Variants in ULK4 observed in about 807,000 individuals in gnomAD.
ULK4 encodes unc-51 like kinase 4.
ULK4 carries 133 observed loss-of-function variants against 160.6 expected under a neutral mutation model. The observed-to-expected ratio is 0.83, with a 90% CI of 0.72 to 0.96. The LOEUF is 0.96. Ranked by LOEUF, ULK4 falls within the 40% of genes least tolerant of loss-of-function variation. ULK4 has a pLI of 0.00. For missense variants in ULK4, 1,580 were observed against 1,499.5 expected (o/e 1.05, Z -0.89); for synonymous variants, 534 against 539.8 (o/e 0.99, Z 0.15).
intron 35 of ULK4, among the ~76,000 whole-genome samples, chr3:41,274,562 T>C (rs2079197801): frequency 6.6e-6 from 1 of 152,236 alleles, no homozygotes; most frequent in African/African-American, 2.4e-5. Context: ...CTCATGGATT[T>C]AAAGATGAGT....
intron 29 of ULK4, among the ~76,000 whole-genome samples, chr3:41,676,626 G>A (rs933721215): frequency 2.4e-4 from 36 of 152,146 alleles, no homozygotes; most frequent in African/African-American, 8.0e-4. Context: ...TCTTGGAACT[G>A]TCAGAGAGTA....
At chr3:41,303,877 A>G (rs1434770192) in intron 35 of ULK4, among the ~76,000 whole-genome samples, 1 of 152,134 alleles carries the variant, frequency 6.6e-6, no homozygotes, top group Non-Finnish European at 1.5e-5. Flanking sequence ...GGGGGCAACC[A>G]AAAGGTGTTC....
At chr3:41,559,953 C>G (rs972578186) in intron 32 of ULK4, among the ~76,000 whole-genome samples, 30 of 152,256 alleles carry the variant, frequency 2.0e-4, no homozygotes, top group African/African-American at 7.0e-4. Context: ...ATGCCTATGT[C>G]CTAAATGGTA....
intron 34 of ULK4, among the ~76,000 whole-genome samples, chr3:41,403,551 T>C (rs373238060): frequency 6.6e-6 from 1 of 152,188 alleles, no homozygotes. Flanking sequence ...TTTTGTTTCA[T>C]TGATTTCTCT....
intron 21 of ULK4, among the ~76,000 whole-genome samples, chr3:41,767,734 G>C (rs1418890308): frequency 6.6e-6 from 1 of 152,114 alleles, no homozygotes; most frequent in East Asian, 1.9e-4. Flanking sequence ...CTTACATACA[G>C]CTGGTAGGAA....
At chr3:41,307,957 T>C (rs978605385) in intron 35 of ULK4, among the ~76,000 whole-genome samples, 1 of 152,150 alleles carries the variant, frequency 6.6e-6, no homozygotes. Flanking sequence ...CATGCCCATT[T>C]TGCTACCCAA....
In ULK4 at chr3:41,787,112, C is replaced by G. The variant is rs140069686; in HGVS notation, c.2193+2549G>C. Among the ~76,000 whole-genome samples the G allele has an allele frequency of 8.1e-4, 123 of 152,264 alleles. 1 individual carries two copies. Among genetic ancestry groups the G allele is most frequent in the African/African-American group, 2.8e-3 (117 of 41,534 alleles). On this transcript the variant is annotated intron_variant, in intron 21 of 36. Coordinates refer to ENST00000301831, the MANE Select transcript of ULK4 (RefSeq NM_017886.4). ...AGCCAAGCACCATGGAAAAACCACA[C>G]CCCAACCCCACCAGCAAAGAGCAAG...
At chr3:41,467,194 T>C (rs2083856996) in intron 32 of ULK4, among the ~76,000 whole-genome samples, 1 of 152,154 alleles carries the variant, frequency 6.6e-6, no homozygotes, top group Non-Finnish European at 1.5e-5. Context: ...AATGAACACA[T>C]ATGTCCACAT....
At chr3:41,526,820 T>G (rs114156725) in intron 32 of ULK4, among the ~76,000 whole-genome samples, 31 of 152,336 alleles carry the variant, frequency 2.0e-4, no homozygotes, top group African/African-American at 7.5e-4. Context: ...TTTTAAAAAT[T>G]TCCTTGAAGA....
intron 25 of ULK4, among the ~76,000 whole-genome samples, chr3:41,706,543 A>C (rs576374347): frequency 1.3e-5 from 2 of 151,358 alleles, no homozygotes; most frequent in Middle Eastern, 7.0e-3. Flanking sequence ...TTGGTCTAAC[A>C]TAGGCCAAGC....
At chr3:41,642,699 A>G (rs534153195) in intron 30 of ULK4, among the ~76,000 whole-genome samples, 1 of 152,350 alleles carries the variant, frequency 6.6e-6, no homozygotes, top group East Asian at 1.9e-4. Flanking sequence ...CTTTGGGTAT[A>G]TACCCAGTAA....
At chr3:41,774,808 A>G (rs1226880278) in intron 21 of ULK4, among the ~76,000 whole-genome samples, 47 of 150,686 alleles carry the variant, frequency 3.1e-4, no homozygotes, top group Middle Eastern at 3.4e-3. Flanking sequence ...CAATAGCAAA[A>G]ACTTGGAACC....
At chr3:41,364,652 G>A (rs10049320) in intron 35 of ULK4, among the ~76,000 whole-genome samples, 48,387 of 151,870 alleles carry the variant, frequency 0.32, 7,729 homozygotes, top group South Asian at 0.43. Flanking sequence ...CATTTAATAA[G>A]GAAAAATTAA....
intron 35 of ULK4, among the ~76,000 whole-genome samples, chr3:41,308,879 A>G (rs1292171956): frequency 6.6e-6 from 1 of 152,216 alleles, no homozygotes; most frequent in African/African-American, 2.4e-5. Context: ...TGAAGAAGCC[A>G]TTCAGAACAC....
At chr3:41,643,284 G>C (rs1398046854) in intron 30 of ULK4, among the ~76,000 whole-genome samples, 2 of 152,102 alleles carry the variant, frequency 1.3e-5, no homozygotes, top group Non-Finnish European at 2.9e-5. Context: ...TGTCCTGAAT[G>C]GTAATGCCTA....
At chr3:41,821,012 T>C (rs2041128837) in intron 18 of ULK4, among the ~76,000 whole-genome samples, 1 of 152,138 alleles carries the variant, frequency 6.6e-6, no homozygotes, top group African/African-American at 2.4e-5. Context: ...TTCCCTTATT[T>C]AAAATGCCCA....
intron 32 of ULK4, among the ~76,000 whole-genome samples, chr3:41,496,827 C>T (rs1002236337): frequency 2.6e-5 from 4 of 152,044 alleles, no homozygotes; most frequent in African/African-American, 9.7e-5. Flanking sequence ...AAAAGCAACA[C>T]CTTACTAATA....
chr3:41,704,242 T>A (rs1032383345), intron 27 of ULK4, among the ~76,000 whole-genome samples: 2 of 152,136 alleles, frequency 1.3e-5, no homozygotes, highest in African/African-American at 4.8e-5. Context: ...GACAGAACAC[T>A]GGAAACAGGC....
In ULK4 at chr3:41,689,626, C is replaced by A. The variant is rs1451572710; in HGVS notation, c.2782-7822G>T. Among the ~76,000 whole-genome samples the A allele has an allele frequency of 3.3e-5, 5 of 152,146 alleles. No individual in the cohort carries two copies. In the East Asian group the frequency reaches 9.6e-4, roughly 29 times the overall value. The stretch of plus-strand genomic sequence containing the variant: ...ACAAACAACCCCATCAAAAAGTGGG[C>A]AAAGGACATGAATACACACTTCTCA... On this transcript the variant is annotated intron_variant, in intron 27 of 36. Transcript: ENST00000301831.
Sources: allele counts gnomAD v4.1 joint callset (sites outside exome capture counted in the v4.1 genomes callset), GRCh38; gene constraint gnomAD v4.1.1; transcripts MANE v1.5; gene names NCBI Gene and HGNC (gene_info 2026-07-23, HGNC 2026-07-21).